The following MAP3K14 variants were observed in gnomAD, a reference collection of about 807,000 sequenced individuals.
The protein encoded by MAP3K14 is NF-kappa-beta-inducing kinase.
Under a neutral mutation model 99.2 loss-of-function variants are expected in MAP3K14, and 16 were observed. The ratio of observed to expected loss-of-function variants is 0.16; its 90% confidence interval spans 0.11 to 0.24. The LOEUF (loss-of-function observed/expected upper bound fraction) is 0.24. Ranked by LOEUF, MAP3K14 falls within the 10% of genes least tolerant of loss-of-function variation. The pLI is 1.00. For missense variants in MAP3K14, 784 were observed against 1,208.7 expected (o/e 0.65, Z 5.21); for synonymous variants, 462 against 492.4 (o/e 0.94, Z 0.82).
In MAP3K14 at chr17:45,290,476, C is replaced by G; in HGVS notation, c.256+14G>C. On this transcript the variant is annotated intron_variant, in intron 2 of 15. Transcript: ENST00000344686. Reference sequence around the variant, plus strand: ...CCCACCTGCCCCGTGCCCACAACAACCCTAGGCCCCTACACTCAGCCTGGG... The same window carrying G: ...CCCACCTGCCCCGTGCCCACAACAAGCCTAGGCCCCTACACTCAGCCTGGG... 2.5e-6 allele frequency: 4 copies of G among 1,613,794 alleles called. No homozygotes were observed. Among genetic ancestry groups the G allele is most frequent in the Non-Finnish European group, 3.4e-6 (4 of 1,179,830 alleles).
chr17:45,314,173 A>G (rs73303281), intron 1 of MAP3K14, among the ~76,000 whole-genome samples: 293 of 152,320 alleles, frequency 1.9e-3, no homozygotes, highest in African/African-American at 6.9e-3. Flanking sequence ...AGAACAAAAA[A>G]ATCTCATACT....
At chr17:45,314,829 T>C (rs537295593) in intron 1 of MAP3K14, among the ~76,000 whole-genome samples, 24 of 152,170 alleles carry the variant, frequency 1.6e-4, no homozygotes, top group African/African-American at 5.5e-4. Flanking sequence ...GGAAAGCCCA[T>C]GTGCTGTCCA....
intron 1 of MAP3K14, among the ~76,000 whole-genome samples, chr17:45,308,566 C>T (rs937267214): frequency 6.6e-6 from 1 of 152,102 alleles, no homozygotes; most frequent in African/African-American, 2.4e-5. Flanking sequence ...TGCAGTGGTA[C>T]AACCATAGCT....
rs1465112315 is a variant in MAP3K14, at chr17:45,274,204, G to A, written c.1471C>T (p.Arg491Trp). ...GCCTGGCCCAGGTAGTACAGGGCCC[G>A]GTCCTCTGGGAGACAGCCCTGCTCC... ...VKEQGCLPED[R>W]ALYYLGQALE... The change falls in exon 8 of 16, where the codon CGG becomes TGG. Residue 491 changes from arginine (R) to tryptophan (W), a missense_variant. Physicochemically the swap from Arg to Trp is moderately radical, Grantham distance 101. This residue lies in a region of MAP3K14 where 200 missense variants were observed against 367.9 expected (regional missense o/e 0.54). Coordinates refer to ENST00000344686, the MANE Select transcript of MAP3K14 (RefSeq NM_003954.5). 7.5e-6 allele frequency: 12 copies of A among 1,598,042 alleles called. No homozygotes were observed. The highest frequency in any genetic ancestry group is 1.7e-5 in the Admixed American group (1 of 57,452).
At chr17:45,303,170 C>T (rs959893178) in intron 1 of MAP3K14, among the ~76,000 whole-genome samples, 7 of 152,206 alleles carry the variant, frequency 4.6e-5, no homozygotes, top group Non-Finnish European at 8.8e-5. Context: ...GGGTGGGAAT[C>T]GCAGGGTTAG....
chr17:45,297,436 C>T (rs192557086), intron 1 of MAP3K14, among the ~76,000 whole-genome samples: 63 of 152,276 alleles, frequency 4.1e-4, no homozygotes, highest in African/African-American at 1.3e-3. Flanking sequence ...AGTTCAGTTA[C>T]GCCACTAAAT....
chr17:45,300,153 T>A lies in MAP3K14; in HGVS notation c.-20-9388A>T, dbSNP rs55913194. ...CAAACTGCAGGGTAAATACAATTTA[T>A]GGGGTAAAGTTTCTGACTGTCCTGC... On this transcript the variant is annotated intron_variant, in intron 1 of 15. Transcript: ENST00000344686. Among the ~76,000 whole-genome samples, 1,342 of 152,056 alleles carry A rather than the reference T, an allele frequency of 8.8e-3. 9 individuals are homozygous for A. Among genetic ancestry groups the A allele is most frequent in the Non-Finnish European group, 0.014 (936 of 67,938 alleles).
chr17:45,276,306 C>G (rs944831722), intron 6 of MAP3K14, among the ~76,000 whole-genome samples: 3 of 152,150 alleles, frequency 2.0e-5, no homozygotes, highest in African/African-American at 4.8e-5. Flanking sequence ...TAGATCCTGG[C>G]TCCGCCTTTT....
chr17:45,275,013 C>T (rs1412249033), intron 6 of MAP3K14, among the ~76,000 whole-genome samples: 1 of 151,778 alleles, frequency 6.6e-6, no homozygotes, highest in Non-Finnish European at 1.5e-5. Context: ...GCGGCGGGTG[C>T]CTGTAGTCCC....
intron 1 of MAP3K14, among the ~76,000 whole-genome samples, chr17:45,309,637 T>C (rs1160528876): frequency 6.6e-6 from 1 of 152,098 alleles, no homozygotes; most frequent in Non-Finnish European, 1.5e-5. Flanking sequence ...GTCCACACTG[T>C]CCAATCACCT....
chr17:45,271,241 A>G lies in MAP3K14; in HGVS notation c.1658-20T>C. On this transcript the variant is annotated intron_variant, in intron 9 of 15. Transcript: ENST00000344686. Reference sequence around the variant, plus strand: ...AGTCCCCTGAGAAGGGGGATGAGACATAAAGTTACCTGGAATGCTGATGGG... The same window carrying G: ...AGTCCCCTGAGAAGGGGGATGAGACGTAAAGTTACCTGGAATGCTGATGGG... 1 of 1,587,400 alleles carries G rather than the reference A, an allele frequency of 6.3e-7. No homozygotes were observed. The highest frequency in any genetic ancestry group is 2.0e-5 in the Admixed American group (1 of 50,940).
At chr17:45,285,917 A>G (rs2044260739) in intron 5 of MAP3K14, among the ~76,000 whole-genome samples, 2 of 150,548 alleles carry the variant, frequency 1.3e-5, no homozygotes, top group South Asian at 4.2e-4. Flanking sequence ...GTACGACTGC[A>G]CTCCAGCCTG....
chr17:45,306,821 C>A (rs948923032), intron 1 of MAP3K14, among the ~76,000 whole-genome samples: 2 of 152,144 alleles, frequency 1.3e-5, no homozygotes, highest in African/African-American at 4.8e-5. Flanking sequence ...ATAGAAAAGA[C>A]GCCACAGGGG....
intron 1 of MAP3K14, among the ~76,000 whole-genome samples, chr17:45,298,997 G>A (rs529784317): frequency 1.3e-5 from 2 of 152,322 alleles, no homozygotes; most frequent in Admixed American, 6.5e-5. Context: ...TCTGGGTAGA[G>A]GGGATGGCAA....
chr17:45,313,837 T>C (rs2044505351), intron 1 of MAP3K14, among the ~76,000 whole-genome samples: 1 of 152,170 alleles, frequency 6.6e-6, no homozygotes, highest in Non-Finnish European at 1.5e-5. Flanking sequence ...ATGAGCAAGG[T>C]AGTAGAAAAA....
intron 10 of MAP3K14, 109 bp from the exon 11 acceptor site, chr17:45,270,672 G>T (rs975633542): frequency 7.2e-7 from 1 of 1,386,532 alleles, no homozygotes; most frequent in Admixed American, 2.9e-5. Flanking sequence ...GCTGTGCTGG[G>T]GTCTACCACA....
Position 45,264,408 on chromosome 17 carries a change from T to A in MAP3K14, c.*228A>T. 1 of 539,004 alleles carries A rather than the reference T, an allele frequency of 1.9e-6. No individual in the cohort carries two copies. Among genetic ancestry groups the A allele is most frequent in the Non-Finnish European group, 3.3e-6 (1 of 303,698 alleles). 33.4% of individuals were successfully genotyped at this position (539,004 alleles called of 1,614,324 possible). A position where few individuals can be genotyped will look rare whatever the true frequency, so the allele number is the denominator to read the frequency against. On this transcript the variant is annotated 3_prime_UTR_variant, in exon 16 of 16. Coordinates refer to ENST00000344686, the MANE Select transcript of MAP3K14 (RefSeq NM_003954.5). ...GTAACTCCTGCCATCCTCCTCTGTCTCTTCACGTGGCGGAGTGTTTTCTCA... is the reference window on the plus strand; with the variant it reads ...GTAACTCCTGCCATCCTCCTCTGTCACTTCACGTGGCGGAGTGTTTTCTCA...
chr17:45,290,763 A>G lies in MAP3K14; in HGVS notation c.-18T>C. The G allele has an allele frequency of 6.2e-7, 1 of 1,608,394 alleles. No individual in the cohort carries two copies. The highest frequency in any genetic ancestry group is 8.5e-7 in the Non-Finnish European group (1 of 1,175,798). The stretch of plus-strand genomic sequence containing the variant: ...ACTGCCATCTCCCAGGCTTGTGCTC[A>G]TCCTGAGAGAGACCAAACACAGAGC... On this transcript the variant is annotated splice_region_variant and 5_prime_UTR_variant, in exon 2 of 16. The change abolishes an upstream ATG in the 5' untranslated region. Coordinates refer to ENST00000344686, the MANE Select transcript of MAP3K14 (RefSeq NM_003954.5).
intron 6 of MAP3K14, among the ~76,000 whole-genome samples, chr17:45,275,061 C>A (rs1238432105): frequency 6.6e-6 from 1 of 151,722 alleles, no homozygotes; most frequent in Non-Finnish European, 1.5e-5. Context: ...ATGGCGTGAA[C>A]CCAGGAGGCG....
Sources: gnomAD v4.1 joint callset for allele counts (sites outside exome capture counted in the v4.1 genomes callset) on GRCh38, gnomAD v4.1.1 for gene constraint, gnomAD v4.1.1 regional missense constraint, MANE v1.5 for transcripts, NCBI Gene and HGNC (gene_info 2026-07-23, HGNC 2026-07-21) for gene names.